The following SLC14A2 variants were observed in gnomAD, a reference collection of about 807,000 sequenced individuals.
The protein encoded by SLC14A2 is solute carrier family 14 member 2.
A neutral mutation model predicts 104.6 loss-of-function variants in SLC14A2; 91 were observed. That is an observed-to-expected ratio of 0.87 (90% CI 0.73 to 1.04). SLC14A2 has a LOEUF of 1.04. Ranked by LOEUF, SLC14A2 falls within the 50% of genes least tolerant of loss-of-function variation. SLC14A2 has a pLI of 0.00. For missense variants in SLC14A2, 1,189 were observed against 1,156.0 expected (o/e 1.03, Z -0.41); for synonymous variants, 476 against 466.4 (o/e 1.02, Z -0.27).
the SLC14A2 span, among the ~76,000 whole-genome samples, chr18:45,196,370 A>C: frequency 6.6e-6 from 1 of 152,138 alleles, no homozygotes. Flanking sequence ...ACAATGTAAA[A>C]GGTGTTTCTT....
intron 2 of SLC14A2, among the ~76,000 whole-genome samples, chr18:45,571,244 C>CATTT (rs746696592): frequency 3.7e-4 from 57 of 152,358 alleles, no homozygotes; most frequent in Admixed American, 2.8e-3. Context: ...ATTTGACAAA[C>CATTT]ATTTATTTAA....
the SLC14A2 span, among the ~76,000 whole-genome samples, chr18:45,197,765 T>A: frequency 1.3e-5 from 2 of 152,326 alleles, no homozygotes; most frequent in East Asian, 1.9e-4. Context: ...ACCATTCATG[T>A]TGAAAATGAA....
chr18:45,626,732 GC>G (rs886575688), intron 3 of SLC14A2, among the ~76,000 whole-genome samples: 1 of 152,008 alleles, frequency 6.6e-6, no homozygotes, highest in African/African-American at 2.4e-5. Context: ...TGTCTATATG[GC>G]AAAAACTACC....
intron 10 of SLC14A2, chr18:45,648,035 A>T (rs2144577054): frequency 7.0e-6 from 1 of 142,604 alleles, no homozygotes; most frequent in African/African-American, 2.7e-5. Context: ...TTTGTTAAAA[A>T]TCAACTATAA....
intron 1 of SLC14A2, among the ~76,000 whole-genome samples, chr18:45,225,533 T>G (rs1258951463): frequency 2.0e-5 from 3 of 152,172 alleles, no homozygotes; most frequent in African/African-American, 7.2e-5. Context: ...GTGAAGAAAG[T>G]CATTGGTAGC....
chr18:45,647,396 CTCTTT>C (rs1399905879), intron 10 of SLC14A2: 5 of 152,260 alleles, frequency 3.3e-5, no homozygotes, highest in Admixed American at 2.6e-4. Flanking sequence ...ATTTTGTTAT[CTCTTT>C]TCTTTAATCA....
At position 45,643,175 on chromosome 18, in the gene SLC14A2, G is replaced by A. The variant is rs776809719; in HGVS notation, c.1170G>A (p.Met390Ile). ...AYMEAAISNIMSVVGVPPGTW... is the reference protein window; with the variant it reads ...AYMEAAISNIISVVGVPPGTW... ...TGGAAGCAGCCATCTCCAACATCAT[G>A]TCAGTGGTAAGTGTGGATTCTCCTG... Residue 390 changes from methionine (M) to isoleucine (I), a missense_variant, in exon 9 of 20, where the codon ATG becomes ATA. Transcript: ENST00000255226. The A allele has an allele frequency of 6.2e-7, 1 of 1,613,998 alleles. No homozygotes were observed. The highest frequency in any genetic ancestry group is 1.7e-5 in the Admixed American group (1 of 60,030).
At chr18:45,483,402 C>T (rs139632717) in intron 2 of SLC14A2, 4 of 152,200 alleles carry the variant, frequency 2.6e-5, no homozygotes, top group Non-Finnish European at 2.9e-5. Flanking sequence ...CATAAAAAAC[C>T]GAAATTATTT....
At chr18:45,454,230 C>T (rs1171739911) in intron 1 of SLC14A2, among the ~76,000 whole-genome samples, 1 of 152,150 alleles carries the variant, frequency 6.6e-6, no homozygotes, top group East Asian at 1.9e-4. Flanking sequence ...ATGAAACATT[C>T]TAATCCTCAA....
At chr18:45,565,714 G>T (rs2044257381) in intron 2 of SLC14A2, among the ~76,000 whole-genome samples, 1 of 152,142 alleles carries the variant, frequency 6.6e-6, no homozygotes, top group Non-Finnish European at 1.5e-5. Flanking sequence ...CCCACATACA[G>T]CCAGGGCTGA....
chr18:45,520,227 G>C (rs1003942739), intron 2 of SLC14A2, among the ~76,000 whole-genome samples: 7 of 152,202 alleles, frequency 4.6e-5, no homozygotes, highest in African/African-American at 1.7e-4. Flanking sequence ...TCAAGATGTG[G>C]TTTTTGCAGA....
the SLC14A2 span, chr18:45,180,098 G>C: frequency 2.6e-5 from 4 of 152,266 alleles, no homozygotes; most frequent in African/African-American, 9.7e-5. Context: ...GCAGTGAGAC[G>C]TGATAGTACC....
At chr18:45,323,600 C>T (rs1046562221) in intron 1 of SLC14A2, among the ~76,000 whole-genome samples, 2 of 152,082 alleles carry the variant, frequency 1.3e-5, no homozygotes, top group African/African-American at 2.4e-5. Context: ...CTAAAATTGC[C>T]GTTTTTGTAG....
At chr18:45,451,582 G>T (rs892691889) in intron 1 of SLC14A2, among the ~76,000 whole-genome samples, 5 of 152,024 alleles carry the variant, frequency 3.3e-5, no homozygotes, top group African/African-American at 4.8e-5. Context: ...GAATATAAAA[G>T]CCCAACTTAA....
the SLC14A2 span, among the ~76,000 whole-genome samples, chr18:45,196,947 A>G: frequency 6.6e-6 from 1 of 152,258 alleles, no homozygotes. Flanking sequence ...GCAGCACAGA[A>G]AACGAATTAG....
At chr18:45,364,938 G>T (rs548447243) in intron 1 of SLC14A2, among the ~76,000 whole-genome samples, 128 of 152,306 alleles carry the variant, frequency 8.4e-4, no homozygotes, top group African/African-American at 3.0e-3. Context: ...TCTAGCTCCA[G>T]ATATAAAGAG....
chr18:45,591,645 T>G (rs1433443264), intron 2 of SLC14A2, among the ~76,000 whole-genome samples: 1 of 152,166 alleles, frequency 6.6e-6, no homozygotes, highest in East Asian at 1.9e-4. Context: ...GAGATAACAA[T>G]ATTTCTAACA....
intron 2 of SLC14A2, among the ~76,000 whole-genome samples, chr18:45,577,020 A>T (rs2044426765): frequency 1.3e-5 from 2 of 152,152 alleles, no homozygotes; most frequent in South Asian, 4.1e-4. Context: ...TGTCTGGTAC[A>T]GGGCCTTGGG....
At chr18:45,307,583 G>A (rs2144206758) in intron 1 of SLC14A2, among the ~76,000 whole-genome samples, 1 of 152,220 alleles carries the variant, frequency 6.6e-6, no homozygotes, top group East Asian at 1.9e-4. Flanking sequence ...TTTCAAGACT[G>A]AAATGAGGCT....
Sources: allele counts gnomAD v4.1 joint callset (sites outside exome capture counted in the v4.1 genomes callset), GRCh38; gene constraint gnomAD v4.1.1; transcripts MANE v1.5; gene names NCBI Gene and HGNC (gene_info 2026-07-23, HGNC 2026-07-21).